DOK7: variants seen among roughly 807,000 people sequenced by gnomAD.
The protein encoded by DOK7 is docking protein 7.
A neutral mutation model predicts 30.7 loss-of-function variants in DOK7; 32 were observed. The ratio of observed to expected loss-of-function variants is 1.04; its 90% confidence interval spans 0.79 to 1.40. DOK7 has a LOEUF of 1.40. Among genes scored for constraint, DOK7 ranks in the 40% most tolerant of loss-of-function variants. The pLI is 0.00. For missense variants in DOK7, 1,007 were observed against 699.2 expected (o/e 1.44, Z -4.97); for synonymous variants, 447 against 324.1 (o/e 1.38, Z -4.07).
intron 2 of DOK7, 83 bp downstream of exon 2, chr4:3,463,634 C>T (rs1726104144): frequency 2.0e-6 from 3 of 1,481,556 alleles, no homozygotes; most frequent in Middle Eastern, 2.3e-4. Context: ...CCAGCTTGCC[C>T]AAAATCGCCG....
chr4:3,475,418 T>C (rs1208246413), intron 3 of DOK7, among the ~76,000 whole-genome samples: 1 of 152,104 alleles, frequency 6.6e-6, no homozygotes, highest in African/African-American at 2.4e-5. Flanking sequence ...TCCCTTTGGC[T>C]CTGGGGGTTG....
intron 2 of DOK7, 106 bp from the exon 3 acceptor site, chr4:3,473,300 T>G (rs1023086688): frequency 1.8e-6 from 2 of 1,133,526 alleles, no homozygotes; most frequent in Non-Finnish European, 1.3e-6. Context: ...TGGCTTGAGG[T>G]CATGACCCCA....
chr4:3,501,292 C>T (rs1399070831), exon 8 of DOK7: 8 of 159,416 alleles, frequency 5.0e-5, no homozygotes, highest in South Asian at 3.7e-4. Flanking sequence ...ACCCAGTGCC[C>T]GCTCCCACTG....
At chr4:3,492,200 T>C (rs1728511974) in intron 6 of DOK7, among the ~76,000 whole-genome samples, 2 of 152,056 alleles carry the variant, frequency 1.3e-5, no homozygotes, top group African/African-American at 2.4e-5. Context: ...GGTGTGCTTC[T>C]CATCCCCCGC....
chr4:3,493,209 C>G lies in DOK7; in HGVS notation c.1223C>G (p.Pro408Arg), dbSNP rs1395427004. The G allele has an allele frequency of 3.7e-6, 6 of 1,611,706 alleles. No individual in the cohort carries two copies. The African/African-American group carries it at 8.0e-5, about 22-fold the overall frequency. Residue 408 changes from proline to arginine, a missense_variant, in exon 7 of 7, where the codon CCA becomes CGA. Physicochemically the swap from Pro to Arg is moderately radical, Grantham distance 103. Transcript: ENST00000340083. ...PTSLRAHYDT[P>R]RSLCLAPRDH... Reference sequence around the variant, plus strand: ...TCCCTGCGGGCCCACTATGACACACCACGCAGCCTTTGCCTGGCTCCTAGA... The same window carrying G: ...TCCCTGCGGGCCCACTATGACACACGACGCAGCCTTTGCCTGGCTCCTAGA...
At chr4:3,481,621 T>C (rs1454126119) in intron 4 of DOK7, among the ~76,000 whole-genome samples, 1 of 152,046 alleles carries the variant, frequency 6.6e-6, no homozygotes, top group Non-Finnish European at 1.5e-5. Flanking sequence ...CTGAGGGTCA[T>C]GTTATCAAGA....
Position 3,463,461 on chromosome 4 carries a change from G to GC in DOK7, c.54+32_54+33insC. 12 of 1,374,480 alleles carry GC rather than the reference G, an allele frequency of 8.7e-6. No homozygotes were observed. Among genetic ancestry groups the GC allele is most frequent in the Non-Finnish European group, 1.1e-5 (12 of 1,055,810 alleles). 85.1% of individuals were successfully genotyped at this position (1,374,480 alleles called of 1,614,324 possible). ...GCGCGTCGGGGGCGCGGGGGGGGGGGGCGCGGGCGCGGGCGGCGGCTCACG... is the reference window on the plus strand; with the variant it reads ...GCGCGTCGGGGGCGCGGGGGGGGGGGCGCGCGGGCGCGGGCGGCGGCTCACG... On this transcript the variant is annotated intron_variant, in intron 1 of 6. Coordinates refer to ENST00000340083, the MANE Select transcript of DOK7 (RefSeq NM_173660.5).
chr4:3,495,655 A>G (rs1375268974), downstream of DOK7, among the ~76,000 whole-genome samples: 3 of 152,168 alleles, frequency 2.0e-5, no homozygotes, highest in African/African-American at 4.8e-5. Flanking sequence ...GCTCCTCCTC[A>G]GGCCAGGGGC....
intron 4 of DOK7, among the ~76,000 whole-genome samples, chr4:3,483,124 C>A (rs531905715): frequency 1.2e-5 from 1 of 82,338 alleles, no homozygotes; most frequent in Non-Finnish European, 2.4e-5. Flanking sequence ...AGGGTGGGGA[C>A]GGCAGCCTCC....
chr4:3,500,150 G>A (rs1729119779), intron 6 of DOK7: 4 of 1,384,490 alleles, frequency 2.9e-6, no homozygotes, highest in Non-Finnish European at 2.9e-6. Context: ...GCGGAGTGGG[G>A]AGGAGGGGCT....
In DOK7 at chr4:3,493,224, T is replaced by G. The variant is rs750640549; in HGVS notation, c.1238T>G (p.Leu413Arg). The change falls in exon 7 of 7, where the codon CTG becomes CGG. Residue 413 changes from leucine (L) to arginine (R), a missense_variant. Transcript: ENST00000340083. ...TATGACACACCACGCAGCCTTTGCC[T>G]GGCTCCTAGAGACCACAGCCCCCCC... is the stretch of plus-strand genomic sequence containing the variant. Reference protein sequence around the residue: ...AHYDTPRSLCLAPRDHSPPSQ... With the variant: ...AHYDTPRSLCRAPRDHSPPSQ... The G allele has an allele frequency of 6.2e-7, 1 of 1,612,076 alleles. No individual in the cohort carries two copies. The highest frequency in any genetic ancestry group is 8.5e-7 in the Non-Finnish European group (1 of 1,179,700).
chr4:3,484,739 GCA>G, intron 4 of DOK7: 3 of 985,562 alleles, frequency 3.0e-6, no homozygotes, highest in Non-Finnish European at 3.6e-6. Context: ...CGGCCTCAGG[GCA>G]GCACCCACAC....
At position 3,493,249 on chromosome 4, in the gene DOK7, C is replaced by A. The variant is rs761693255; in HGVS notation, c.1263C>A (p.Pro421=). The change falls in exon 7 of 7, where the codon CCC becomes CCA. Residue 421 remains proline, a synonymous_variant. Transcript: ENST00000340083. ...TGGCTCCTAGAGACCACAGCCCCCC[C>A]TCACAGGGCAGCCCCGGCAACAGTG... ...LCLAPRDHSP[P]SQGSPGNSAA... is the part of the protein sequence containing the mutation. 6.8e-6 allele frequency: 11 copies of A among 1,611,874 alleles called. No individual in the cohort carries two copies. The highest frequency in any genetic ancestry group is 5.0e-5 in the Admixed American group (3 of 59,956).
At chr4:3,500,646 G>C in intron 7 of DOK7, 1 of 1,535,500 alleles carries the variant, frequency 6.5e-7, no homozygotes, top group South Asian at 1.2e-5. Context: ...TCACAGGGCT[G>C]GGTGGCTCGG....
At position 3,463,654 on chromosome 4, in the gene DOK7, C is replaced by T; in HGVS notation, c.100+103C>T. On this transcript the variant is annotated intron_variant, in intron 2 of 6. Transcript: ENST00000340083. Reference sequence around the variant, plus strand: ...TTGCCCAAAATCGCCGCCGCTGTCACCCCGCCGGGAAACCCGAGAGCCCCG... The same window carrying T: ...TTGCCCAAAATCGCCGCCGCTGTCATCCCGCCGGGAAACCCGAGAGCCCCG... 9 of 1,419,782 alleles carry T rather than the reference C, an allele frequency of 6.3e-6. No homozygotes were observed. The South Asian group carries it at 1.1e-4, about 18-fold the overall frequency. 87.9% of individuals were successfully genotyped at this position (1,419,782 alleles called of 1,614,324 possible).
chr4:3,488,993 C>G (rs1331343238), intron 5 of DOK7, among the ~76,000 whole-genome samples: 4 of 152,294 alleles, frequency 2.6e-5, no homozygotes, highest in Non-Finnish European at 4.4e-5. Flanking sequence ...AGCAGCGGTG[C>G]TGAGGGGCCA....
At chr4:3,479,575 C>T (rs1010768934) in intron 4 of DOK7, among the ~76,000 whole-genome samples, 20 of 152,234 alleles carry the variant, frequency 1.3e-4, no homozygotes, top group Admixed American at 1.1e-3. Context: ...GCCTGGCCCC[C>T]GATCCCCAGA....
chr4:3,474,504 G>A (rs907251811), intron 3 of DOK7, among the ~76,000 whole-genome samples: 1 of 152,124 alleles, frequency 6.6e-6, no homozygotes, highest in Admixed American at 6.5e-5. Flanking sequence ...GGGCAACGTG[G>A]CGAAACCTCG....
intron 2 of DOK7, among the ~76,000 whole-genome samples, chr4:3,472,353 TC>T: frequency 6.6e-6 from 1 of 152,256 alleles, no homozygotes; most frequent in East Asian, 1.9e-4. Flanking sequence ...GCAATCCTCT[TC>T]GGGGACATTC....
Sources: allele counts gnomAD v4.1 joint callset (sites outside exome capture counted in the v4.1 genomes callset), GRCh38; gene constraint gnomAD v4.1.1; transcripts MANE v1.5; gene names NCBI Gene and HGNC (gene_info 2026-07-23, HGNC 2026-07-21).